Variants in AGAP3 observed in about 807,000 individuals in gnomAD.
AGAP3 encodes the protein ArfGAP with GTPase domain, ankyrin repeat and PH domain 3, also known as arf-GAP with GTPase, ANK repeat and PH domain-containing protein 3.
AGAP3 carries 24 observed loss-of-function variants against 96.9 expected under a neutral mutation model. The ratio of observed to expected loss-of-function variants is 0.25; its 90% confidence interval spans 0.18 to 0.35. The LOEUF is 0.35. Ranked by LOEUF, AGAP3 falls within the 10% of genes least tolerant of loss-of-function variation. AGAP3 has a pLI of 1.00. For synonymous variants in AGAP3, 563 were observed against 536.1 expected (o/e 1.05, Z -0.69); for missense variants, 876 against 1,254.2 (o/e 0.70, Z 4.55).
chr7:151,104,171 T>C (rs570126831), intron 1 of AGAP3, among the ~76,000 whole-genome samples: 5 of 152,224 alleles, frequency 3.3e-5, no homozygotes, highest in Admixed American at 3.3e-4. Flanking sequence ...CCTGAGTTGG[T>C]GATATCGGGA....
upstream of AGAP3, among the ~76,000 whole-genome samples, chr7:151,086,271 C>T (rs1236173174): frequency 4.6e-4 from 70 of 150,552 alleles, no homozygotes; most frequent in Non-Finnish European, 1.6e-4. Context: ...GGGGCCGGGG[C>T]GCCAGGGCTG....
At chr7:151,100,014 G>A (rs372639839) in intron 1 of AGAP3, among the ~76,000 whole-genome samples, 4 of 152,176 alleles carry the variant, frequency 2.6e-5, no homozygotes, top group East Asian at 1.9e-4. Flanking sequence ...GGAAGAGCCC[G>A]CGGTGCTGCA....
chr7:151,120,769 T>G, intron 8 of AGAP3: 1 of 1,188,330 alleles, frequency 8.4e-7, no homozygotes, highest in Non-Finnish European at 1.1e-6. Context: ...CCTTGTGAGC[T>G]CCTCACTCAC....
rs1800744688 is a variant in AGAP3 at position 151,139,652 on chromosome 7, C to T, written c.1667-327C>T. On this transcript the variant is annotated intron_variant, in intron 12 of 17. Coordinates refer to ENST00000397238, the MANE Select transcript of AGAP3 (RefSeq NM_031946.7). This position sits in a 1 kb window ranked among gnomAD's most constrained non-coding sequence, Gnocchi z 4.9. ...AGTGTGATTGAGGATAAATTTGGTG[C>T]GGAGCTGCTGGGGCTTCAGCTCCCC... 2 of 223,816 alleles carry T rather than the reference C, an allele frequency of 8.9e-6. No homozygotes were observed. The highest frequency in any genetic ancestry group is 2.3e-5 in the African/African-American group (1 of 44,090). 13.9% of individuals were successfully genotyped at this position (223,816 alleles called of 1,614,324 possible). A position where few individuals can be genotyped will look rare whatever the true frequency, so the allele number is the denominator to read the frequency against.
chr7:151,144,064 C>G lies in AGAP3; in HGVS notation c.*121C>G, dbSNP rs553340941. 2.4e-4 allele frequency: 262 copies of G among 1,091,542 alleles called. 1 individual carries two copies. The Admixed American group carries it at 6.2e-3, about 26-fold the overall frequency. 67.6% of individuals were successfully genotyped at this position (1,091,542 alleles called of 1,614,324 possible). A position where few individuals can be genotyped will look rare whatever the true frequency, so the allele number is the denominator to read the frequency against. On this transcript the variant is annotated 3_prime_UTR_variant, in exon 18 of 18. Coordinates refer to ENST00000397238, the MANE Select transcript of AGAP3 (RefSeq NM_031946.7). ...CAGGGACATGCTGAGAGGACGAAGC[C>G]AAGGAAATTAGGGAGGAGAGTCAAA...
At chr7:151,113,119 C>CA (rs1799369561) in intron 1 of AGAP3, among the ~76,000 whole-genome samples, 2 of 152,064 alleles carry the variant, frequency 1.3e-5, no homozygotes, top group African/African-American at 4.8e-5. Flanking sequence ...CCCTGTTGTG[C>CA]GTGAGAGAGA....
chr7:151,103,786 A>G (rs970749868), intron 1 of AGAP3, among the ~76,000 whole-genome samples: 1 of 152,230 alleles, frequency 6.6e-6, no homozygotes, highest in East Asian at 1.9e-4. Context: ...ACAGGATCCA[A>G]TGTGATACCT....
intron 10 of AGAP3, among the ~76,000 whole-genome samples, chr7:151,130,727 C>T (rs976509897): frequency 5.3e-5 from 8 of 152,136 alleles, no homozygotes; most frequent in Admixed American, 2.0e-4. Context: ...TGCAAAAGCA[C>T]GAGTGGAGGC....
intron 9 of AGAP3, among the ~76,000 whole-genome samples, chr7:151,127,175 G>A (rs1800213504): frequency 6.6e-6 from 1 of 152,198 alleles, no homozygotes; most frequent in Non-Finnish European, 1.5e-5. Context: ...AGAGGAGGAA[G>A]GTGCAGTTGA....
chr7:151,112,509 T>A (rs1015333502), intron 1 of AGAP3, among the ~76,000 whole-genome samples: 3 of 151,824 alleles, frequency 2.0e-5, no homozygotes, highest in Admixed American at 2.0e-4. Context: ...AAGAGGCAGC[T>A]AGGTTCTAAA....
At chr7:151,119,130 T>C (rs776881872) in intron 7 of AGAP3, 38 of 187,548 alleles carry the variant, frequency 2.0e-4, no homozygotes, top group Non-Finnish European at 1.1e-5. Flanking sequence ...TGTGTCCTTC[T>C]TACTGTCTCT....
At chr7:151,091,985 C>T (rs761364273) in intron 1 of AGAP3, among the ~76,000 whole-genome samples, 1 of 145,450 alleles carries the variant, frequency 6.9e-6, no homozygotes, top group Non-Finnish European at 1.5e-5. Flanking sequence ...CTCTGCAGCT[C>T]GGGTGTTGAG....
chr7:151,123,937 A>C (rs761300133), intron 9 of AGAP3, 51 bp downstream of exon 9: 3 of 1,560,298 alleles, frequency 1.9e-6, no homozygotes, highest in Non-Finnish European at 2.6e-6. Flanking sequence ...AGGCCCAGGA[A>C]TGTGGCGCTT....
At chr7:151,097,977 A>G (rs1397296918) in intron 1 of AGAP3, among the ~76,000 whole-genome samples, 1 of 152,240 alleles carries the variant, frequency 6.6e-6, no homozygotes, top group Non-Finnish European at 1.5e-5. Context: ...GCGCCTCCGC[A>G]TGGGACTGGC....
chr7:151,087,786 C>T (rs1350910492), intron 1 of AGAP3, among the ~76,000 whole-genome samples: 1 of 152,278 alleles, frequency 6.6e-6, no homozygotes, highest in Non-Finnish European at 1.5e-5. Context: ...CCGGCCACTG[C>T]GCTGCCTAGC....
chr7:151,120,387 C>G (rs1344377531), intron 8 of AGAP3: 1 of 664,126 alleles, frequency 1.5e-6, no homozygotes, highest in Non-Finnish European at 2.7e-6. Context: ...CACAGTCCTC[C>G]CTGCCCTCTG....
chr7:151,093,645 T>C (rs922287133), intron 1 of AGAP3, among the ~76,000 whole-genome samples: 6 of 152,206 alleles, frequency 3.9e-5, no homozygotes, highest in Non-Finnish European at 8.8e-5. Context: ...TTGCTGTTAC[T>C]AGGCTTTCGC....
In AGAP3 at chr7:151,143,717, A is replaced by G; in HGVS notation, c.2530-20A>G. ...TCCTCCCATGTCTTGCCAACTGTCA[A>G]CATGTGTTTTCTCCTACAGTACGGG... On this transcript the variant is annotated intron_variant, in intron 17 of 17. Coordinates refer to ENST00000397238, the MANE Select transcript of AGAP3 (RefSeq NM_031946.7). This position sits in a 1 kb window ranked among gnomAD's most constrained non-coding sequence, Gnocchi z 5.9. The G allele has an allele frequency of 6.2e-7, 1 of 1,613,856 alleles. No individual in the cohort carries two copies. The highest frequency in any genetic ancestry group is 8.5e-7 in the Non-Finnish European group (1 of 1,179,820).
At chr7:151,112,135 GGCTTGAT>G (rs1434927086) in intron 1 of AGAP3, 1 of 152,288 alleles carries the variant, frequency 6.6e-6, no homozygotes, top group Non-Finnish European at 1.5e-5. Flanking sequence ...GTCTTTGACT[GGCTTGAT>G]GTCCTGAGAC....
Sources: allele counts gnomAD v4.1 joint callset (sites outside exome capture counted in the v4.1 genomes callset), GRCh38; gene constraint gnomAD v4.1.1; non-coding constraint Gnocchi (gnomAD v3.1); transcripts MANE v1.5; gene names NCBI Gene and HGNC (gene_info 2026-07-23, HGNC 2026-07-21).